Variants in NEGR1 observed in about 807,000 individuals in gnomAD.
NEGR1 encodes neuronal growth regulator 1, also known as IgLON family member 4.
NEGR1 carries 10 observed loss-of-function variants against 40.9 expected under a neutral mutation model. The observed-to-expected ratio is 0.24, with a 90% CI of 0.15 to 0.42. NEGR1 has a LOEUF of 0.42. Among genes scored for constraint, NEGR1 ranks in the 10% least tolerant of loss-of-function variants. The probability of loss-of-function intolerance (pLI) is 1.00; values close to 1 mark genes in which losing one functional copy is unlikely to be tolerated. For synonymous variants in NEGR1, 185 were observed against 166.8 expected (o/e 1.11, Z -0.84); for missense variants, 352 against 438.9 (o/e 0.80, Z 1.77).
chr1:71,494,685 G>A (rs1234064569), intron 6 of NEGR1, among the ~76,000 whole-genome samples: 1 of 152,138 alleles, frequency 6.6e-6, no homozygotes, highest in Non-Finnish European at 1.5e-5. Context: ...TGTGTCTGAA[G>A]TGAGGACCGT....
chr1:72,199,929 C>T (rs1472864011), intron 1 of NEGR1, among the ~76,000 whole-genome samples: 1 of 151,876 alleles, frequency 6.6e-6, no homozygotes, highest in Non-Finnish European at 1.5e-5. Flanking sequence ...AAAAAATGCT[C>T]ATCATTGCTA....
intron 3 of NEGR1, among the ~76,000 whole-genome samples, chr1:71,711,881 ATTATT>A (rs924845949): frequency 6.6e-5 from 10 of 152,260 alleles, no homozygotes; most frequent in African/African-American, 2.4e-4. Flanking sequence ...CATATTTAAA[ATTATT>A]TTATTTAAAC....
At chr1:71,674,722 T>G (rs375953058) in intron 4 of NEGR1, among the ~76,000 whole-genome samples, 1 of 152,114 alleles carries the variant, frequency 6.6e-6, no homozygotes, top group African/African-American at 2.4e-5. Context: ...TTGCTTTCAA[T>G]GAACAATGTT....
At chr1:71,615,316 A>C (rs1650414129) in intron 4 of NEGR1, among the ~76,000 whole-genome samples, 1 of 152,108 alleles carries the variant, frequency 6.6e-6, no homozygotes, top group African/African-American at 2.4e-5. Flanking sequence ...GGCCTCATAG[A>C]GCTGATATGA....
chr1:71,803,752 C>T (rs1401231140), intron 2 of NEGR1, among the ~76,000 whole-genome samples: 2 of 152,122 alleles, frequency 1.3e-5, no homozygotes, highest in African/African-American at 4.8e-5. Context: ...ATAGAACATA[C>T]CACCTTCTGA....
At chr1:72,242,477 A>G (rs979326295) in intron 1 of NEGR1, among the ~76,000 whole-genome samples, 2 of 151,634 alleles carry the variant, frequency 1.3e-5, no homozygotes, top group Non-Finnish European at 3.0e-5. Context: ...TAGCGACTCA[A>G]TAAATATCTC....
chr1:72,179,809 T>G (rs1652298840), intron 1 of NEGR1, among the ~76,000 whole-genome samples: 1 of 151,566 alleles, frequency 6.6e-6, no homozygotes, highest in South Asian at 2.1e-4. Context: ...AAAAAAACCC[T>G]AGGAATAAAT....
intron 6 of NEGR1, among the ~76,000 whole-genome samples, chr1:71,410,209 G>C (rs531866223): frequency 1.3e-5 from 2 of 152,024 alleles, no homozygotes; most frequent in Non-Finnish European, 2.9e-5. Flanking sequence ...TAGAAACTGG[G>C]GGATGAATCG....
chr1:71,505,975 G>GA (rs1046088652), intron 6 of NEGR1, among the ~76,000 whole-genome samples: 1 of 151,812 alleles, frequency 6.6e-6, no homozygotes. Flanking sequence ...AATTTTTAGA[G>GA]AAAAAAAAGT....
intron 1 of NEGR1, among the ~76,000 whole-genome samples, chr1:72,227,187 G>T (rs1404632824): frequency 1.3e-5 from 2 of 151,908 alleles, no homozygotes; most frequent in African/African-American, 4.8e-5. Flanking sequence ...CTCTAAAATG[G>T]TAATGATAAA....
At chr1:72,180,852 GT>G (rs1369899772) in intron 1 of NEGR1, among the ~76,000 whole-genome samples, 56 of 152,054 alleles carry the variant, frequency 3.7e-4, no homozygotes, top group African/African-American at 1.4e-3. Flanking sequence ...TTTGTTTTCT[GT>G]TACAGATTCT....
At chr1:71,848,847 G>T (rs1659506376) in intron 2 of NEGR1, among the ~76,000 whole-genome samples, 1 of 152,150 alleles carries the variant, frequency 6.6e-6, no homozygotes, top group Non-Finnish European at 1.5e-5. Flanking sequence ...CAGCACTTTG[G>T]GAGGCCGAGG....
At chr1:72,262,153 A>G (rs1655479759) in intron 1 of NEGR1, among the ~76,000 whole-genome samples, 1 of 151,942 alleles carries the variant, frequency 6.6e-6, no homozygotes, top group Non-Finnish European at 1.5e-5. Flanking sequence ...GCTTGCTGAG[A>G]AGGAACCTTT....
intron 2 of NEGR1, among the ~76,000 whole-genome samples, chr1:71,794,849 G>C (rs1010493746): frequency 6.6e-6 from 1 of 151,822 alleles, no homozygotes; most frequent in Non-Finnish European, 1.5e-5. Context: ...ACAAACAAAA[G>C]ATTAGTATTC....
intron 2 of NEGR1, among the ~76,000 whole-genome samples, chr1:71,834,747 G>A (rs1309393001): frequency 6.6e-6 from 1 of 152,002 alleles, no homozygotes; most frequent in Non-Finnish European, 1.5e-5. Flanking sequence ...TTCTGAACAG[G>A]AAAAGACCTG....
At position 71,665,838 on chromosome 1, in the gene NEGR1, C is replaced by G. The variant is rs936140648; in HGVS notation, c.667+32170G>C. 2.0e-5 allele frequency among the ~76,000 whole-genome samples: 3 copies of G among 152,250 alleles called. No individual in the cohort carries two copies. The Middle Eastern group carries it at 0.01, about 518-fold the overall frequency. On this transcript the variant is annotated intron_variant, in intron 4 of 6. Transcript: ENST00000357731. ...AGATAGAACACGTGTTCCATACCTCCTATGGCTCTAGTTATCCTCCTCTAA... is the reference window on the plus strand; with the variant it reads ...AGATAGAACACGTGTTCCATACCTCGTATGGCTCTAGTTATCCTCCTCTAA...
chr1:72,014,858 C>T (rs1201487941), intron 1 of NEGR1, among the ~76,000 whole-genome samples: 1 of 150,006 alleles, frequency 6.7e-6, no homozygotes, highest in Non-Finnish European at 1.5e-5. Context: ...CAATAATTAT[C>T]AAATCTTAGT....
chr1:71,526,070 T>C (rs1388424834), intron 6 of NEGR1, among the ~76,000 whole-genome samples: 5 of 151,602 alleles, frequency 3.3e-5, no homozygotes. Flanking sequence ...TACTTTTTTA[T>C]CTTTTTAAAT....
At position 72,242,347 on chromosome 1, in the gene NEGR1, ATGTG is replaced by A. The variant is rs201646418; in HGVS notation, c.176+39968_176+39971del. ...ACATAAATGTAATTTTTGCATGTATATGTGTGTGTCTGTGTATATTTCATTTTAT... is the reference window on the plus strand; with the variant it reads ...ACATAAATGTAATTTTTGCATGTATATGTGTCTGTGTATATTTCATTTTAT... On this transcript the variant is annotated intron_variant, in intron 1 of 6. Transcript: ENST00000357731. Among the ~76,000 whole-genome samples, 1,203 of 151,676 alleles carry A rather than the reference ATGTG, an allele frequency of 7.9e-3. 21 individuals carry two copies. Among genetic ancestry groups the A allele is most frequent in the African/African-American group, 0.028 (1,147 of 41,484 alleles).
Sources: allele counts gnomAD v4.1 joint callset (sites outside exome capture counted in the v4.1 genomes callset), GRCh38; gene constraint gnomAD v4.1.1; transcripts MANE v1.5; gene names NCBI Gene and HGNC (gene_info 2026-07-23, HGNC 2026-07-21).